DPEP2: variants seen among roughly 807,000 people sequenced by gnomAD.
DPEP2 encodes dipeptidase 2.
Under a neutral mutation model 51.8 loss-of-function variants are expected in DPEP2, and 45 were observed. The ratio of observed to expected loss-of-function variants is 0.87; its 90% CI spans 0.68 to 1.11. DPEP2 has a LOEUF of 1.11. Ranked by LOEUF, DPEP2 falls within the 50% of genes most tolerant of loss-of-function variation. DPEP2 has a pLI of 0.00. For synonymous variants in DPEP2, 255 were observed against 262.7 expected, an observed-to-expected ratio of 0.97 and a Z score of 0.28; for missense variants, 604 against 631.9, an observed-to-expected ratio of 0.96 and a Z score of 0.47.
intron 8 of DPEP2, among the ~76,000 whole-genome samples, 160 bp from the exon 9 acceptor site, chr16:67,989,558 G>A (rs1235503848): frequency 1.3e-5 from 2 of 152,164 alleles, no homozygotes; most frequent in African/African-American, 4.8e-5. Context: ...GAACCCTGAG[G>A]TTTGACCTGA....
At chr16:67,992,779 G>A in intron 2 of DPEP2, 143 bp from the exon 3 acceptor site, 2 of 1,491,474 alleles carry the variant, frequency 1.3e-6, no homozygotes, top group Non-Finnish European at 9.0e-7. Context: ...CGGGCTAGGA[G>A]TGCCCACCCA....
chr16:67,990,113 C>G lies in DPEP2; in HGVS notation c.928G>C (p.Val310Leu), dbSNP rs779298810. The G allele has an allele frequency of 6.2e-7, 1 of 1,614,100 alleles. No homozygotes were observed. Among genetic ancestry groups the G allele is most frequent in the East Asian group, 2.2e-5 (1 of 44,864 alleles). ...ACTCCCATGGACAAAGACACCATCA[C>G]GACGCCACCGTTCTTCTTCTGCAGG... Reference protein sequence around the residue: ...LQLLKKNGGVVMVSLSMGVIQ... With the variant: ...LQLLKKNGGVLMVSLSMGVIQ... The change falls in exon 8 of 11, where the codon GTG (valine) becomes CTG (leucine). Residue 310 changes from valine to leucine, a missense_variant. Val to Leu is a conservative substitution (Grantham distance 32). Transcript: ENST00000393847.
At chr16:67,992,037 C>T in intron 4 of DPEP2, 27 bp downstream of exon 4, 2 of 1,613,968 alleles carry the variant, frequency 1.2e-6, no homozygotes, top group African/African-American at 1.3e-5. Flanking sequence ...CAATCAAGTT[C>T]CTAACGCTTC....
At chr16:67,999,064 C>G (rs1031069833) in intron 1 of DPEP2, among the ~76,000 whole-genome samples, 3 of 152,120 alleles carry the variant, frequency 2.0e-5, no homozygotes, top group Admixed American at 2.0e-4. Context: ...GTTCTGGTCC[C>G]CTTCCACACT....
upstream of DPEP2, among the ~76,000 whole-genome samples, chr16:67,999,961 C>T (rs2032929433): frequency 6.6e-6 from 1 of 152,134 alleles, no homozygotes; most frequent in Admixed American, 6.6e-5. Flanking sequence ...TCTTCCGTGG[C>T]TTCTCATTGC....
At chr16:67,987,785 C>A in intron 10 of DPEP2, 25 bp from the exon 11 acceptor site, 3 of 1,612,790 alleles carry the variant, frequency 1.9e-6, no homozygotes, top group Non-Finnish European at 2.5e-6. Flanking sequence ...CGGTGCTCAG[C>A]TTCCACAGCT....
chr16:67,998,071 G>A (rs910765069), intron 1 of DPEP2, among the ~76,000 whole-genome samples: 1 of 152,156 alleles, frequency 6.6e-6, no homozygotes, highest in Admixed American at 6.5e-5. Context: ...CACAGCCCTC[G>A]CTCGCTCTCG....
Position 67,991,321 on chromosome 16 carries a change from T to C in DPEP2, c.663-137A>G. On this transcript the variant is annotated intron_variant, in intron 5 of 10. Coordinates refer to ENST00000393847, the MANE Select transcript of DPEP2 (RefSeq NM_022355.4). The surrounding 1 kb of genome is among the most constrained non-coding windows in gnomAD (Gnocchi z 5.1). ...CAAAATGGGCCCTGCAAATGGGCCA[T>C]GCCTGGCAGCAGGAGGGCCCTGCTG... is the stretch of plus-strand genomic sequence containing the variant. The C allele has an allele frequency of 2.6e-6, 2 of 782,642 alleles. No homozygotes were observed. Among genetic ancestry groups the C allele is most frequent in the South Asian group, 3.4e-5 (2 of 58,754 alleles). The allele number at this position is 782,642 out of a possible 1,614,324, so 48.5% of individuals were successfully genotyped here. A position where few individuals can be genotyped will look rare whatever the true frequency, so the allele number is the denominator to read the frequency against.
At chr16:67,989,991 C>T (rs1302700804) in intron 8 of DPEP2, 56 bp downstream of exon 8, 1 of 1,593,612 alleles carries the variant, frequency 6.3e-7, no homozygotes, top group African/African-American at 1.3e-5. Context: ...CTGGGGCCCT[C>T]CCAAGTCTTC....
chr16:67,992,406 G>T, intron 3 of DPEP2, 104 bp downstream of exon 3: 1 of 1,512,922 alleles, frequency 6.6e-7, no homozygotes, highest in Non-Finnish European at 8.9e-7. Context: ...GGGTCACTAT[G>T]GTAACTGAGT....
At position 67,991,158 on chromosome 16, in the gene DPEP2, T is replaced by C. The variant is rs780276903; in HGVS notation, c.689A>G (p.His230Arg). 4 of 1,613,430 alleles carry C rather than the reference T, an allele frequency of 2.5e-6. No homozygotes were observed. Among genetic ancestry groups the C allele is most frequent in the South Asian group, 2.2e-5 (2 of 91,042 alleles). Residue 230 changes from histidine (H) to arginine (R), a missense_variant, in exon 6 of 11, where the codon CAC becomes CGC. Physicochemically the swap from His to Arg is conservative, Grantham distance 29. Transcript: ENST00000393847. This position sits in a 1 kb window ranked among gnomAD's most constrained non-coding sequence, Gnocchi z 5.1. ...CCCGCTGATGTTGTTGTAGAAGGAGTGGACGCCCTTAGCGGAGCTCTCTGC... is the reference window on the plus strand; with the variant it reads ...CCCGCTGATGTTGTTGTAGAAGGAGCGGACGCCCTTAGCGGAGCTCTCTGC... Reference protein sequence around the residue: ...PWAESSAKGVHSFYNNISGLT... With the variant: ...PWAESSAKGVRSFYNNISGLT...
rs140744195 is a variant in DPEP2 at position 67,990,116 on chromosome 16, C to T, written c.925G>A (p.Val309Ile). ...ILQLLKKNGG[V>I]VMVSLSMGVI... is the part of the protein sequence containing the mutation. ...CCCATGGACAAAGACACCATCACGA[C>T]GCCACCGTTCTTCTTCTGCAGGGGC... Residue 309 changes from valine (V) to isoleucine (I), a missense_variant, in exon 8 of 11, where the codon GTC (valine) becomes ATC (isoleucine). By Grantham distance (29) the Val-to-Ile change is conservative. Transcript: ENST00000393847. The T allele has an allele frequency of 2.2e-4, 348 of 1,614,088 alleles. 1 individual carries two copies. In the African/African-American group the frequency reaches 3.3e-3, roughly 15 times the overall value.
Position 67,991,656 on chromosome 16 carries a change from G to A in DPEP2, c.662+182C>T. 2.2e-6 allele frequency: 2 copies of A among 926,492 alleles called. No individual in the cohort carries two copies. The highest frequency in any genetic ancestry group is 3.1e-6 in the Non-Finnish European group (2 of 640,838). The allele number at this position is 926,492 out of a possible 1,614,324, so 57.4% of individuals were successfully genotyped here. On this transcript the variant is annotated intron_variant, in intron 5 of 10. Coordinates refer to ENST00000393847, the MANE Select transcript of DPEP2 (RefSeq NM_022355.4). This position sits in a 1 kb window ranked among gnomAD's most constrained non-coding sequence, Gnocchi z 5.1. ...GCCTCCCAAAGTTTTGGGATTACAG[G>A]CATGAGCCACCGCGTCTGGCCAGGG...
At position 67,992,188 on chromosome 16, in the gene DPEP2, C is replaced by G; in HGVS notation, c.396G>C (p.Trp132Cys). ...LRDGLVGAQFWSAYVPCQTQD... is the reference protein window; with the variant it reads ...LRDGLVGAQFCSAYVPCQTQD... ...GGGTCTGGCATGGCACATAGGCTGA[C>G]CAGAACTGGGGGGAAGGCCAGGGTT... Residue 132 changes from tryptophan to cysteine, a missense_variant, in exon 4 of 11, where the codon TGG becomes TGC. Transcript: ENST00000393847. The G allele has an allele frequency of 6.2e-7, 1 of 1,613,924 alleles. No homozygotes were observed. Among genetic ancestry groups the G allele is most frequent in the Non-Finnish European group, 8.5e-7 (1 of 1,179,886 alleles).
rs1598267461 is a variant in DPEP2 at position 67,991,707 on chromosome 16, A to G, written c.662+131T>C. 8 of 1,358,874 alleles carry G rather than the reference A, an allele frequency of 5.9e-6. No individual in the cohort carries two copies. The East Asian group carries it at 1.7e-4, about 29-fold the overall frequency. 84.2% of individuals were successfully genotyped at this position (1,358,874 alleles called of 1,614,324 possible). A position where few individuals can be genotyped will look rare whatever the true frequency, so the allele number is the denominator to read the frequency against. Reference sequence around the variant, plus strand: ...GTCAAGTCGTATTCTGAAAACCAGAATCCCAGCTCCCCTCCCCACTCCAGA... The same window carrying G: ...GTCAAGTCGTATTCTGAAAACCAGAGTCCCAGCTCCCCTCCCCACTCCAGA... On this transcript the variant is annotated intron_variant, in intron 5 of 10. Transcript: ENST00000393847. This position sits in a 1 kb window ranked among gnomAD's most constrained non-coding sequence, Gnocchi z 5.1.
At chr16:67,989,920 G>T in intron 8 of DPEP2, 127 bp downstream of exon 8, 3 of 940,726 alleles carry the variant, frequency 3.2e-6, no homozygotes, top group African/African-American at 1.6e-5. Flanking sequence ...AGCTCCATGT[G>T]ACCAATGTGC....
intron 1 of DPEP2, chr16:67,993,600 G>A: frequency 1.0e-6 from 1 of 1,000,496 alleles, no homozygotes; most frequent in Non-Finnish European, 1.2e-6. Context: ...TAAGAGAGAG[G>A]GCCTGGGGTG....
At chr16:67,997,835 A>AGCAG (rs1054698600) in intron 1 of DPEP2, among the ~76,000 whole-genome samples, 22 of 152,166 alleles carry the variant, frequency 1.4e-4, no homozygotes, top group African/African-American at 4.6e-4. Context: ...GATGCTTTGA[A>AGCAG]GCAGGGTTGG....
chr16:67,992,127 T>G lies in DPEP2; in HGVS notation c.457A>C (p.Ile153Leu), dbSNP rs531799009. 6.2e-7 allele frequency: 1 copy of G among 1,614,154 alleles called. No individual in the cohort carries two copies. The highest frequency in any genetic ancestry group is 1.1e-5 in the South Asian group (1 of 91,090). Residue 153 changes from isoleucine (I) to leucine (L), a missense_variant, in exon 4 of 11, where the codon ATT becomes CTT. Coordinates refer to ENST00000393847, the MANE Select transcript of DPEP2 (RefSeq NM_022355.4). ...GCACACATGCGGCGTATGAGGTCAA[T>G]CTGCTCCAGGGTGAGGCGCAGGGCA... is the stretch of plus-strand genomic sequence containing the variant. The part of the protein sequence containing the change: ...RDALRLTLEQ[I>L]DLIRRMCASY...
Sources: allele counts gnomAD v4.1 joint callset (sites outside exome capture counted in the v4.1 genomes callset), GRCh38; gene constraint gnomAD v4.1.1; non-coding constraint Gnocchi (gnomAD v3.1); transcripts MANE v1.5; gene names NCBI Gene and HGNC (gene_info 2026-07-23, HGNC 2026-07-21).